The following CACNB4 variants were observed in gnomAD, a reference collection of about 807,000 sequenced individuals.
CACNB4 encodes the protein voltage-dependent L-type calcium channel subunit beta-4.
Under a neutral mutation model 71.2 loss-of-function variants are expected in CACNB4, and 32 were observed. The observed-to-expected ratio is 0.45, with a 90% CI of 0.34 to 0.60. The LOEUF is 0.60. CACNB4 is among the 20% of genes least tolerant of loss of function. The pLI, the probability that CACNB4 is intolerant of heterozygous loss-of-function variation, is 0.01. For synonymous variants in CACNB4, 231 were observed against 236.9 expected (o/e 0.97, Z 0.23); for missense variants, 464 against 647.9 (o/e 0.72, Z 3.08).
intron 2 of CACNB4, among the ~76,000 whole-genome samples, chr2:152,073,927 T>C (rs1686845719): frequency 6.6e-6 from 1 of 152,146 alleles, no homozygotes. Flanking sequence ...GGCAGGACTG[T>C]AAGAGGCAGG....
chr2:152,099,092 G>GGAGGGC (rs960175067), upstream of CACNB4: 3 of 885,946 alleles, frequency 3.4e-6, no homozygotes, highest in African/African-American at 5.4e-5. Flanking sequence ...GGACGGAGGG[G>GGAGGGC]GAGGGCGCAG....
chr2:151,938,921 T>C (rs2099863575), intron 2 of CACNB4, among the ~76,000 whole-genome samples: 1 of 152,230 alleles, frequency 6.6e-6, no homozygotes. Flanking sequence ...TCAGGAAATT[T>C]AAGTTCTATC....
chr2:151,947,722 T>C (rs1048193084), intron 2 of CACNB4, among the ~76,000 whole-genome samples: 1 of 152,166 alleles, frequency 6.6e-6, no homozygotes, highest in African/African-American at 2.4e-5. Context: ...CAGTTCCACT[T>C]GCCTCTTCTG....
chr2:151,986,124 C>T (rs573915605), intron 2 of CACNB4, among the ~76,000 whole-genome samples: 5 of 152,276 alleles, frequency 3.3e-5, no homozygotes, highest in South Asian at 2.1e-4. Context: ...TCTTGTTCTA[C>T]GGTACTGACC....
chr2:152,099,094 A>AGGGCGC (rs993054242), upstream of CACNB4: 24 of 867,752 alleles, frequency 2.8e-5, no homozygotes, highest in African/African-American at 3.6e-5. Context: ...ACGGAGGGGG[A>AGGGCGC]GGGCGCAGGA....
intron 2 of CACNB4, among the ~76,000 whole-genome samples, chr2:151,951,433 C>T (rs756709145): frequency 3.9e-5 from 6 of 152,128 alleles, no homozygotes; most frequent in East Asian, 1.9e-4. Flanking sequence ...CAGCCCCAGA[C>T]GACCACATTT....
intron 2 of CACNB4, among the ~76,000 whole-genome samples, chr2:152,086,945 A>G (rs1687692423): frequency 1.3e-5 from 2 of 152,258 alleles, no homozygotes; most frequent in South Asian, 4.2e-4. Context: ...AGCCTGACCA[A>G]CATGGAGAAA....
rs761287173 is a variant in CACNB4 at position 151,880,823 on chromosome 2, T to C, written c.367A>G (p.Lys123Glu). The change falls in exon 4 of 14, where the codon AAA becomes GAA. Residue 123 changes from lysine (K) to glutamate (E), a missense_variant. Physicochemically the swap from Lys to Glu is moderately conservative, Grantham distance 56 (BLOSUM62 1). Transcript: ENST00000539935. ...ACCTCTTTAATATGTAGAAAGTCTTTAGCATCAAAGGAGATAGCTGTGCTT... is the reference window on the plus strand; with the variant it reads ...ACCTCTTTAATATGTAGAAAGTCTTCAGCATCAAAGGAGATAGCTGTGCTT... ...VPSTAISFDA[K>E]DFLHIKEKYN... 16 of 1,613,260 alleles carry C rather than the reference T, an allele frequency of 9.9e-6. No individual in the cohort carries two copies. Among genetic ancestry groups the C allele is most frequent in the Admixed American group, 1.7e-5 (1 of 59,912 alleles).
intron 2 of CACNB4, among the ~76,000 whole-genome samples, chr2:152,047,200 C>T (rs1314710163): frequency 6.6e-6 from 1 of 152,222 alleles, no homozygotes; most frequent in African/African-American, 2.4e-5. Flanking sequence ...AAAATAACAT[C>T]TTGACATATG....
Position 152,099,041 on chromosome 2 carries a change from G to A in CACNB4, c.-30C>T, listed in dbSNP as rs774129535. ...CAGAGCCGCCGCATGGCCAGCCCGT[G>A]TGCGGTGGGCGGAGGGGGCTGGCCC... On this transcript the variant is annotated 5_prime_UTR_variant, in exon 1 of 14. Transcript: ENST00000539935. 2.7e-6 allele frequency: 4 copies of A among 1,495,264 alleles called. No individual in the cohort carries two copies. The East Asian group carries it at 1.1e-4, about 41-fold the overall frequency. 92.6% of individuals were successfully genotyped at this position (1,495,264 alleles called of 1,614,324 possible).
chr2:151,927,903 T>G (rs2099860651), intron 2 of CACNB4, among the ~76,000 whole-genome samples: 1 of 152,220 alleles, frequency 6.6e-6, no homozygotes, highest in Non-Finnish European at 1.5e-5. Context: ...CCTCACTCCT[T>G]CTTTCTTGAG....
intron 2 of CACNB4, among the ~76,000 whole-genome samples, chr2:152,005,706 C>G: frequency 6.6e-6 from 1 of 152,182 alleles, no homozygotes; most frequent in Non-Finnish European, 1.5e-5. Flanking sequence ...GACTACAGTG[C>G]CATGACAAAA....
chr2:151,894,772 G>A (rs554676404), intron 2 of CACNB4, among the ~76,000 whole-genome samples: 2 of 151,846 alleles, frequency 1.3e-5, no homozygotes, highest in East Asian at 1.9e-4. Flanking sequence ...TAATAGACTC[G>A]CTGAAAAAGG....
At chr2:151,936,107 C>T (rs1031769371) in intron 2 of CACNB4, 3 of 152,232 alleles carry the variant, frequency 2.0e-5, no homozygotes, top group African/African-American at 7.2e-5. Flanking sequence ...CAGTCTATAA[C>T]AAATTTCAGT....
intron 2 of CACNB4, chr2:151,973,718 G>A (rs1303484058): frequency 1.2e-6 from 2 of 1,613,104 alleles, no homozygotes; most frequent in Non-Finnish European, 8.5e-7. Flanking sequence ...ATACATGGAG[G>A]TGTGATAATC....
intron 2 of CACNB4, among the ~76,000 whole-genome samples, chr2:152,094,101 G>T (rs1688132746): frequency 6.6e-6 from 1 of 152,220 alleles, no homozygotes; most frequent in Non-Finnish European, 1.5e-5. Flanking sequence ...ATGTAACAGA[G>T]AAATCTAAGT....
intron 2 of CACNB4, among the ~76,000 whole-genome samples, chr2:151,898,557 G>A (rs766517141): frequency 1.1e-4 from 17 of 152,152 alleles, no homozygotes; most frequent in Non-Finnish European, 2.5e-4. Context: ...GCCAAAGGAT[G>A]CCCTTTTGTT....
intron 2 of CACNB4, among the ~76,000 whole-genome samples, chr2:152,025,157 C>T (rs762392552): frequency 3.3e-5 from 5 of 152,354 alleles, no homozygotes; most frequent in African/African-American, 1.2e-4. Flanking sequence ...TTTGCAAATA[C>T]TAGCTTATCT....
At chr2:151,892,156 A>G (rs2099850872) in intron 2 of CACNB4, among the ~76,000 whole-genome samples, 1 of 152,186 alleles carries the variant, frequency 6.6e-6, no homozygotes, top group Non-Finnish European at 1.5e-5. Context: ...TCATTGCCTG[A>G]AAACACGGAC....
Sources: gnomAD v4.1 joint callset for allele counts (sites outside exome capture counted in the v4.1 genomes callset) on GRCh38, gnomAD v4.1.1 for gene constraint, MANE v1.5 for transcripts, NCBI Gene and HGNC (gene_info 2026-07-23, HGNC 2026-07-21) for gene names.